Variants in KCNH8 observed in about 807,000 individuals in gnomAD.
The protein encoded by KCNH8 is potassium voltage-gated channel subfamily H member 8, also known as voltage-gated delayed rectifier potassium channel KCNH8.
KCNH8 carries 70 observed loss-of-function variants against 103.6 expected under a neutral mutation model. The ratio of observed to expected loss-of-function variants is 0.68; its 90% CI spans 0.56 to 0.82. The LOEUF (loss-of-function observed/expected upper bound fraction) is 0.82, where lower values mean the gene tolerates loss of function less well. Ranked by LOEUF, KCNH8 falls within the 40% of genes least tolerant of loss-of-function variation. The pLI is 0.00. For missense variants in KCNH8, 1,217 were observed against 1,329.9 expected (o/e 0.92, Z 1.32); for synonymous variants, 498 against 489.4 (o/e 1.02, Z -0.23).
intron 1 of KCNH8, among the ~76,000 whole-genome samples, chr3:19,249,149 A>G (rs1475837651): frequency 6.6e-6 from 1 of 152,246 alleles, no homozygotes; most frequent in East Asian, 1.9e-4. Flanking sequence ...TAGCATATGT[A>G]TGGATAGTGA....
chr3:19,335,445 G>A (rs986611998), intron 3 of KCNH8, among the ~76,000 whole-genome samples: 2 of 145,770 alleles, frequency 1.4e-5, no homozygotes, highest in South Asian at 2.2e-4. Context: ...ATGTGTGTGT[G>A]TATATATATA....
At chr3:19,174,644 T>C (rs986276655) in intron 1 of KCNH8, among the ~76,000 whole-genome samples, 1 of 152,224 alleles carries the variant, frequency 6.6e-6, no homozygotes, top group Non-Finnish European at 1.5e-5. Flanking sequence ...GAAAACATGT[T>C]CTTTATTCAA....
chr3:19,531,542 T>C (rs1266983600), intron 15 of KCNH8, among the ~76,000 whole-genome samples: 1 of 152,246 alleles, frequency 6.6e-6, no homozygotes, highest in Non-Finnish European at 1.5e-5. Context: ...TTGAGTTTCA[T>C]GCCAGCAGTA....
chr3:19,253,390 T>C (rs1326655137), intron 1 of KCNH8, among the ~76,000 whole-genome samples: 1 of 151,956 alleles, frequency 6.6e-6, no homozygotes, highest in African/African-American at 2.4e-5. Context: ...GCCAACTAGA[T>C]GGTAGGTGCC....
intron 2 of KCNH8, among the ~76,000 whole-genome samples, chr3:19,258,947 C>CTCTCTCTATATATA (rs1321918245): frequency 4.4e-4 from 11 of 24,796 alleles, no homozygotes; most frequent in Non-Finnish European, 7.2e-4. Flanking sequence ...CTCTCTCTCT[C>CTCTCTCTATATATA]TATATATATA....
At chr3:19,508,001 C>G (rs1011116348) in intron 11 of KCNH8, among the ~76,000 whole-genome samples, 1 of 152,148 alleles carries the variant, frequency 6.6e-6, no homozygotes, top group East Asian at 1.9e-4. Flanking sequence ...TTGAGATGAT[C>G]ATTCGGGTTT....
chr3:19,231,963 C>A (rs1211627251), intron 1 of KCNH8, among the ~76,000 whole-genome samples: 5 of 152,148 alleles, frequency 3.3e-5, no homozygotes. Flanking sequence ...AGTTTTGAGA[C>A]CTGACACCAA....
rs552458514 is a variant in KCNH8 at position 19,438,997 on chromosome 3, C to T, written c.1375+636C>T. 3.0e-3 allele frequency among the ~76,000 whole-genome samples: 452 copies of T among 152,260 alleles called. 1 individual carries two copies. Among genetic ancestry groups the T allele is most frequent in the Non-Finnish European group, 4.5e-3 (308 of 68,010 alleles). ...ATTAGTAAGATCCAGCAGTACTTCT[C>T]CCAATAACAAAACAAATTTCATTTA... On this transcript the variant is annotated intron_variant, in intron 8 of 15. Coordinates refer to ENST00000328405, the MANE Select transcript of KCNH8 (RefSeq NM_144633.3).
chr3:19,447,775 A>G (rs2067383988), intron 8 of KCNH8, among the ~76,000 whole-genome samples: 1 of 152,022 alleles, frequency 6.6e-6, no homozygotes, highest in South Asian at 2.1e-4. Context: ...CTAAAACAAT[A>G]CAGAAGAATG....
intron 5 of KCNH8, among the ~76,000 whole-genome samples, chr3:19,369,389 C>A (rs910239056): frequency 6.6e-6 from 1 of 151,830 alleles, no homozygotes; most frequent in Non-Finnish European, 1.5e-5. Flanking sequence ...TACTCAGTCT[C>A]TTTCATGAGC....
intron 1 of KCNH8, among the ~76,000 whole-genome samples, chr3:19,187,717 T>C (rs1052736433): frequency 5.3e-5 from 8 of 152,134 alleles, no homozygotes; most frequent in Non-Finnish European, 8.8e-5. Flanking sequence ...ACAGAGCCTC[T>C]TTATGTAAGT....
rs566045044 is a variant in KCNH8 at position 19,210,703 on chromosome 3, T to C, written c.77-42951T>C. 2.0e-5 allele frequency among the ~76,000 whole-genome samples: 3 copies of C among 151,960 alleles called. No individual in the cohort carries two copies. In the South Asian group the frequency reaches 6.2e-4, roughly 31 times the overall value. On this transcript the variant is annotated intron_variant, in intron 1 of 15. Transcript: ENST00000328405. ...AACCTATCAGTAAAAAAAAAAAATT[T>C]GATTAGAAAAACCGGGCTGTCACAT...
At chr3:19,185,580 T>G (rs1327139179) in intron 1 of KCNH8, among the ~76,000 whole-genome samples, 1 of 151,930 alleles carries the variant, frequency 6.6e-6, no homozygotes, top group Non-Finnish European at 1.5e-5. Flanking sequence ...TAAGTGGGAC[T>G]TGATTTTCAT....
intron 7 of KCNH8, among the ~76,000 whole-genome samples, chr3:19,404,146 ACT>A (rs1160965681): frequency 1.3e-5 from 2 of 151,826 alleles, no homozygotes; most frequent in Non-Finnish European, 2.9e-5. Context: ...CCTGCTCTTC[ACT>A]CTCTATCCTG....
intron 1 of KCNH8, among the ~76,000 whole-genome samples, chr3:19,191,585 T>C (rs1391594888): frequency 6.6e-6 from 1 of 151,730 alleles, no homozygotes; most frequent in East Asian, 1.9e-4. Flanking sequence ...GATTATTCTT[T>C]TTTCTCTGTC....
chr3:19,186,363 A>G (rs1023218225), intron 1 of KCNH8, among the ~76,000 whole-genome samples: 1 of 151,904 alleles, frequency 6.6e-6, no homozygotes, highest in Non-Finnish European at 1.5e-5. Flanking sequence ...ACACTTGCAC[A>G]TGCCTTTTGT....
chr3:19,351,062 C>G (rs1377900302), intron 5 of KCNH8, among the ~76,000 whole-genome samples: 2 of 152,008 alleles, frequency 1.3e-5, no homozygotes, highest in African/African-American at 2.4e-5. Flanking sequence ...AGCTGAAAAC[C>G]ATGGCATGAG....
chr3:19,312,119 C>G (rs1322685413), intron 3 of KCNH8, among the ~76,000 whole-genome samples: 1 of 151,838 alleles, frequency 6.6e-6, no homozygotes, highest in African/African-American at 2.4e-5. Flanking sequence ...AAAATTCATG[C>G]CAAGTATACT....
intron 5 of KCNH8, among the ~76,000 whole-genome samples, chr3:19,383,928 C>T (rs2066321790): frequency 6.6e-6 from 1 of 151,928 alleles, no homozygotes; most frequent in African/African-American, 2.4e-5. Context: ...TATGTTTAAT[C>T]ATTAAATTAT....
Sources: gnomAD v4.1 joint callset for allele counts (sites outside exome capture counted in the v4.1 genomes callset) on GRCh38, gnomAD v4.1.1 for gene constraint, MANE v1.5 for transcripts, NCBI Gene and HGNC (gene_info 2026-07-23, HGNC 2026-07-21) for gene names.